The following OLFM2 variants were observed in gnomAD, a reference collection of about 807,000 sequenced individuals.
OLFM2 encodes the protein noelin-2.
In OLFM2, 20 loss-of-function variants were observed where a neutral mutation model predicts 43.9. The observed-to-expected ratio is 0.46, with a 90% CI of 0.32 to 0.66. The LOEUF (loss-of-function observed/expected upper bound fraction) is 0.66, where lower values mean the gene tolerates loss of function less well. Ranked by LOEUF, OLFM2 falls within the 30% of genes least tolerant of loss-of-function variation. OLFM2 has a pLI of 0.04. For synonymous variants in OLFM2, 268 were observed against 278.6 expected (o/e 0.96, Z 0.38); for missense variants, 416 against 643.6 (o/e 0.65, Z 3.83).
chr19:9,901,352 G>T (rs1464551703), intron 1 of OLFM2, among the ~76,000 whole-genome samples: 2 of 152,148 alleles, frequency 1.3e-5, no homozygotes, highest in African/African-American at 4.8e-5. Flanking sequence ...CTTGAGCCTG[G>T]AAGGCAGAGG....
intron 1 of OLFM2, among the ~76,000 whole-genome samples, chr19:9,878,635 C>T (rs564991283): frequency 9.9e-5 from 15 of 152,136 alleles, no homozygotes; most frequent in Admixed American, 2.6e-4. Flanking sequence ...GCTAATACAA[C>T]GGAAGTGCTT....
At chr19:9,860,965 C>T (rs1414121672) in intron 1 of OLFM2, among the ~76,000 whole-genome samples, 171 bp from the exon 2 acceptor site, 4 of 152,160 alleles carry the variant, frequency 2.6e-5, no homozygotes, top group Non-Finnish European at 4.4e-5. Flanking sequence ...CCTCATTTCA[C>T]GGATGGCAAG....
At chr19:9,866,855 G>C (rs1157276671) in intron 1 of OLFM2, among the ~76,000 whole-genome samples, 2 of 152,162 alleles carry the variant, frequency 1.3e-5, no homozygotes, top group African/African-American at 2.4e-5. Flanking sequence ...CTGCTAATGG[G>C]CTTTAAGGGA....
chr19:9,881,948 T>A, intron 1 of OLFM2, among the ~76,000 whole-genome samples: 1 of 152,176 alleles, frequency 6.6e-6, no homozygotes, highest in East Asian at 1.9e-4. Flanking sequence ...ATTAAACATA[T>A]GGGCTGGGCG....
intron 1 of OLFM2, among the ~76,000 whole-genome samples, chr19:9,926,790 G>A (rs1785601097): frequency 6.6e-6 from 1 of 151,586 alleles, no homozygotes; most frequent in South Asian, 2.1e-4. Flanking sequence ...GACCGGCCTG[G>A]ACAATATAGT....
chr19:9,908,541 C>T (rs2046802026), intron 1 of OLFM2, among the ~76,000 whole-genome samples: 1 of 129,100 alleles, frequency 7.7e-6, no homozygotes, highest in Non-Finnish European at 1.5e-5. Flanking sequence ...TGCAGTGATG[C>T]AATCTCGGCT....
At chr19:9,930,514 C>T (rs1351371085) in intron 1 of OLFM2, among the ~76,000 whole-genome samples, 2 of 152,016 alleles carry the variant, frequency 1.3e-5, no homozygotes, top group Non-Finnish European at 2.9e-5. Context: ...TATGACTGCA[C>T]CACTGCACTC....
chr19:9,927,255 C>T (rs1265762404), intron 1 of OLFM2, among the ~76,000 whole-genome samples: 20 of 152,012 alleles, frequency 1.3e-4, no homozygotes, highest in Admixed American at 1.2e-3. Context: ...GCACTCCAGC[C>T]TGGGCGACAG....
intron 1 of OLFM2, among the ~76,000 whole-genome samples, chr19:9,903,386 A>G (rs537337578): frequency 1.1e-3 from 169 of 152,246 alleles, no homozygotes; most frequent in African/African-American, 4.0e-3. Context: ...GGAGCCAAAA[A>G]CATGTTATTC....
At chr19:9,906,875 C>T (rs2046789704) in intron 1 of OLFM2, among the ~76,000 whole-genome samples, 1 of 152,166 alleles carries the variant, frequency 6.6e-6, no homozygotes, top group Admixed American at 6.5e-5. Context: ...CCTCTCCCTC[C>T]CCCAATCACT....
At chr19:9,924,588 T>C (rs1015319180) in intron 1 of OLFM2, among the ~76,000 whole-genome samples, 1 of 152,080 alleles carries the variant, frequency 6.6e-6, no homozygotes, top group African/African-American at 2.4e-5. Flanking sequence ...CCAACCCTGT[T>C]GAGGTCTAAT....
At chr19:9,886,216 G>GT (rs1457979694) in intron 1 of OLFM2, among the ~76,000 whole-genome samples, 37 of 151,986 alleles carry the variant, frequency 2.4e-4, no homozygotes, top group Non-Finnish European at 5.9e-5. Context: ...TTTTGTTTTT[G>GT]TTTTTTGAGA....
intron 1 of OLFM2, among the ~76,000 whole-genome samples, chr19:9,934,994 A>G (rs937847691): frequency 6.6e-6 from 1 of 152,124 alleles, no homozygotes; most frequent in Non-Finnish European, 1.5e-5. Flanking sequence ...ACACCCATGG[A>G]GCGGATTATT....
chr19:9,854,102 C>T lies in OLFM2; in HGVS notation c.*84G>A. 8.0e-7 allele frequency: 1 copy of T among 1,246,172 alleles called. No individual in the cohort carries two copies. The allele number at this position is 1,246,172 out of a possible 1,614,324, so 77.2% of individuals were successfully genotyped here. A position where few individuals can be genotyped will look rare whatever the true frequency, so the allele number is the denominator to read the frequency against. On this transcript the variant is annotated 3_prime_UTR_variant, in exon 6 of 6. Coordinates refer to ENST00000264833, the MANE Select transcript of OLFM2 (RefSeq NM_058164.4). This position sits in a 1 kb window ranked among gnomAD's most constrained non-coding sequence, Gnocchi z 9.5. Reference sequence around the variant, plus strand: ...AAGGGCGTGACAGAGACAGAGAGATCACCCTTGAGGGACACAGGCAGAATG... The same window carrying T: ...AAGGGCGTGACAGAGACAGAGAGATTACCCTTGAGGGACACAGGCAGAATG...
intron 1 of OLFM2, among the ~76,000 whole-genome samples, chr19:9,898,188 G>A (rs1296857065): frequency 3.4e-5 from 5 of 149,072 alleles, no homozygotes; most frequent in African/African-American, 1.2e-4. Context: ...TGGGATTACA[G>A]GCATGAGCCA....
intron 1 of OLFM2, among the ~76,000 whole-genome samples, chr19:9,932,610 C>T (rs759853223): frequency 2.0e-4 from 30 of 152,068 alleles, no homozygotes; most frequent in South Asian, 8.3e-4. Context: ...AAATAGCTAC[C>T]AGGGGGAACA....
At chr19:9,917,900 A>G (rs1164030907) in intron 1 of OLFM2, among the ~76,000 whole-genome samples, 1 of 127,270 alleles carries the variant, frequency 7.9e-6, no homozygotes, top group Non-Finnish European at 1.7e-5. Flanking sequence ...TTGTTTTGAG[A>G]TGGAGTCTCG....
intron 1 of OLFM2, among the ~76,000 whole-genome samples, chr19:9,934,233 A>G: frequency 6.6e-6 from 1 of 151,964 alleles, no homozygotes. Context: ...TGGGGCGCCG[A>G]GACTGTTTCA....
chr19:9,877,573 AATAC>A (rs1481194421), intron 1 of OLFM2, among the ~76,000 whole-genome samples: 3 of 149,622 alleles, frequency 2.0e-5, no homozygotes, highest in South Asian at 2.1e-4. Context: ...TAAATAAATA[AATAC>A]AATAAAATAA....
Sources: gnomAD v4.1 joint callset for allele counts (sites outside exome capture counted in the v4.1 genomes callset) on GRCh38, gnomAD v4.1.1 for gene constraint, Gnocchi (gnomAD v3.1) non-coding constraint, MANE v1.5 for transcripts, NCBI Gene and HGNC (gene_info 2026-07-23, HGNC 2026-07-21) for gene names.